CNTN4: variants seen among roughly 807,000 people sequenced by gnomAD.
CNTN4 encodes the protein contactin 4, also known as contactin-4.
Under a neutral mutation model 122.5 loss-of-function variants are expected in CNTN4, and 77 were observed. The observed-to-expected ratio is 0.63, with a 90% CI of 0.52 to 0.76. The LOEUF is 0.76. Ranked by LOEUF, CNTN4 falls within the 30% of genes least tolerant of loss-of-function variation. The pLI is 0.00. For missense variants in CNTN4, 1,256 were observed against 1,259.1 expected, an observed-to-expected ratio of 1.00 and a Z score of 0.04; for synonymous variants, 512 against 447.0, an observed-to-expected ratio of 1.15 and a Z score of -1.83.
intron 3 of CNTN4, among the ~76,000 whole-genome samples, chr3:2,412,898 A>T (rs1051519283): frequency 5.3e-5 from 8 of 152,190 alleles, no homozygotes; most frequent in African/African-American, 1.7e-4. Context: ...TTAAAAAATA[A>T]AAAAGGATAT....
rs557088819 is a variant in CNTN4, at chr3:2,270,013, A to G, written c.-144-69165A>G. ...GCCGGACTGCGGACTGCAGTGGCGC[A>G]ATCTCGGCTCACTGCAAGCTCCGCT... On this transcript the variant is annotated intron_variant, in intron 2 of 24. Transcript: ENST00000418658. Among the ~76,000 whole-genome samples, 909 of 98,758 alleles carry G rather than the reference A, an allele frequency of 9.2e-3. 216 individuals carry two copies. Among genetic ancestry groups the G allele is most frequent in the African/African-American group, 0.027 (851 of 31,948 alleles). The allele number at this position is 98,758 out of a possible 152,430, so 64.8% of individuals were successfully genotyped here. A position where few individuals can be genotyped will look rare whatever the true frequency, so the allele number is the denominator to read the frequency against.
At chr3:2,204,971 G>A (rs376303189) in intron 2 of CNTN4, among the ~76,000 whole-genome samples, 30 of 152,152 alleles carry the variant, frequency 2.0e-4, no homozygotes, top group South Asian at 8.3e-4. Context: ...TTATATGTAA[G>A]TATTTATTTA....
At chr3:2,901,083 G>C (rs1363321573) in intron 11 of CNTN4, among the ~76,000 whole-genome samples, 2 of 152,148 alleles carry the variant, frequency 1.3e-5, no homozygotes, top group Admixed American at 1.3e-4. Context: ...GGAAAGTTAT[G>C]CAAAAGGTCT....
chr3:2,982,299 C>T (rs927426593), intron 13 of CNTN4, among the ~76,000 whole-genome samples: 1 of 152,180 alleles, frequency 6.6e-6, no homozygotes, highest in East Asian at 1.9e-4. Flanking sequence ...TCTACTTTTA[C>T]TACCACCGTC....
chr3:2,210,750 G>C (rs1017236024), intron 2 of CNTN4, among the ~76,000 whole-genome samples: 2 of 152,066 alleles, frequency 1.3e-5, no homozygotes, highest in Non-Finnish European at 2.9e-5. Context: ...TTGTTTCACG[G>C]CTTTCTTGAC....
intron 12 of CNTN4, among the ~76,000 whole-genome samples, chr3:2,908,957 TG>T (rs985326299): frequency 9.9e-5 from 15 of 152,214 alleles, no homozygotes; most frequent in African/African-American, 3.6e-4. Context: ...ATCAAGTAAC[TG>T]ATGGCCCAAT....
chr3:2,903,452 A>G (rs2094196517), intron 12 of CNTN4, among the ~76,000 whole-genome samples: 1 of 152,172 alleles, frequency 6.6e-6, no homozygotes, highest in African/African-American at 2.4e-5. Flanking sequence ...TCTTCCAACT[A>G]CATGTTTGAT....
chr3:2,250,074 G>A (rs1195555987), intron 2 of CNTN4, among the ~76,000 whole-genome samples: 1 of 151,638 alleles, frequency 6.6e-6, no homozygotes, highest in Non-Finnish European at 1.5e-5. Flanking sequence ...ATGGGTTTTG[G>A]GTCTCATATA....
Position 2,455,836 on chromosome 3 carries a change from T to G in CNTN4, c.-88-115580T>G, listed in dbSNP as rs1454755691. On this transcript the variant is annotated intron_variant, in intron 3 of 24. Transcript: ENST00000418658. Reference sequence around the variant, plus strand: ...AGCTTTTGTGCACAGGTCAGCAAAGTTAACTGTTGTATTAGTGGAGACTAA... The same window carrying G: ...AGCTTTTGTGCACAGGTCAGCAAAGGTAACTGTTGTATTAGTGGAGACTAA... Among the ~76,000 whole-genome samples, 53 of 152,032 alleles carry G rather than the reference T, an allele frequency of 3.5e-4. 1 individual carries two copies. The highest frequency in any genetic ancestry group is 4.4e-5 in the Non-Finnish European group (3 of 67,980).
At chr3:2,632,064 G>GCGCACA (rs1553597782) in intron 4 of CNTN4, among the ~76,000 whole-genome samples, 6 of 144,018 alleles carry the variant, frequency 4.2e-5, no homozygotes, top group African/African-American at 1.5e-4. Flanking sequence ...ATACACATAC[G>GCGCACA]CACACACACA....
chr3:2,508,498 C>T (rs1039054893), intron 3 of CNTN4, among the ~76,000 whole-genome samples: 2 of 152,116 alleles, frequency 1.3e-5, no homozygotes, highest in African/African-American at 2.4e-5. Flanking sequence ...TTCATTCTGC[C>T]CCTAGATTTG....
intron 3 of CNTN4, among the ~76,000 whole-genome samples, chr3:2,537,995 C>T (rs1386440166): frequency 6.6e-6 from 1 of 151,780 alleles, no homozygotes; most frequent in African/African-American, 2.4e-5. Flanking sequence ...GGCATAACCC[C>T]CCTGTACACC....
At chr3:2,936,760 G>A (rs1421175367) in intron 13 of CNTN4, among the ~76,000 whole-genome samples, 1 of 152,270 alleles carries the variant, frequency 6.6e-6, no homozygotes, top group East Asian at 1.9e-4. Context: ...TGTACAGTTG[G>A]CAAGCTGAGA....
chr3:2,445,053 C>T (rs1017992220), intron 3 of CNTN4, among the ~76,000 whole-genome samples: 14 of 151,230 alleles, frequency 9.3e-5, no homozygotes, highest in Admixed American at 3.9e-4. Context: ...CTGATTGGCT[C>T]GACAGCTTGA....
intron 13 of CNTN4, among the ~76,000 whole-genome samples, chr3:2,958,278 A>G (rs2094820493): frequency 6.6e-6 from 1 of 152,218 alleles, no homozygotes. Context: ...CATATGGTAC[A>G]TTAATAAGTG....
intron 2 of CNTN4, among the ~76,000 whole-genome samples, chr3:2,245,695 T>C (rs188286305): frequency 1.3e-5 from 2 of 152,172 alleles, no homozygotes; most frequent in African/African-American, 4.8e-5. Context: ...GTATTTTCTT[T>C]TGTAGACAAA....
intron 13 of CNTN4, among the ~76,000 whole-genome samples, chr3:2,929,036 G>A (rs1227241819): frequency 1.3e-5 from 2 of 152,188 alleles, no homozygotes; most frequent in Non-Finnish European, 2.9e-5. Context: ...GTTAATCCAA[G>A]CATCTAAATG....
At chr3:2,572,286 T>C (rs1267588739) in intron 4 of CNTN4, among the ~76,000 whole-genome samples, 4 of 151,956 alleles carry the variant, frequency 2.6e-5, no homozygotes, top group African/African-American at 7.3e-5. Flanking sequence ...CTCGGGGAGC[T>C]GAGGCAGGAG....
chr3:2,731,178 A>C (rs11129265), intron 4 of CNTN4, among the ~76,000 whole-genome samples: 1 of 151,908 alleles, frequency 6.6e-6, no homozygotes, highest in Non-Finnish European at 1.5e-5. Context: ...GCCCAGAGAC[A>C]CTATGTTTTA....
Sources: gnomAD v4.1 joint callset for allele counts (sites outside exome capture counted in the v4.1 genomes callset) on GRCh38, gnomAD v4.1.1 for gene constraint, MANE v1.5 for transcripts, NCBI Gene and HGNC (gene_info 2026-07-23, HGNC 2026-07-21) for gene names.